Variants in DISP2 observed in about 807,000 individuals in gnomAD.
DISP2 encodes the protein dispatched RND transporter family member 2.
DISP2 carries 59 observed loss-of-function variants against 95.5 expected under a neutral mutation model. The observed-to-expected ratio is 0.62, with a 90% CI of 0.50 to 0.77. The LOEUF is 0.77. DISP2 is among the 30% of genes least tolerant of loss of function. The pLI, the probability that DISP2 is intolerant of heterozygous loss-of-function variation, is 0.00. For missense variants in DISP2, 1,752 were observed against 1,854.6 expected (o/e 0.94, Z 1.02); for synonymous variants, 827 against 815.0 (o/e 1.01, Z -0.25).
At position 40,358,401 on chromosome 15, in the gene DISP2, AG is replaced by A. The variant is rs1226099059; in HGVS notation, c.85del (p.Glu29SerfsTer136). The A allele has an allele frequency of 1.5e-6, 2 of 1,349,140 alleles. No individual in the cohort carries two copies. Among genetic ancestry groups the A allele is most frequent in the Non-Finnish European group, 1.9e-6 (2 of 1,054,546 alleles). 83.6% of individuals were successfully genotyped at this position (1,349,140 alleles called of 1,614,324 possible). ...GGTCCGGAAGGGGAGCAACGGCCCG[AG>A]GGGGAGCCCTTGGCCCCAGACGGCG... Reference protein sequence around the residue: ...GPGPEGEQRPEGEPLAPDGGS... With the variant: ...GPGPEGEQRPXGEPLAPDGGS... On this transcript the variant is annotated frameshift_variant, in exon 1 of 8. Transcript: ENST00000267889. LOFTEE classifies it high-confidence loss of function.
intron 1 of DISP2, among the ~76,000 whole-genome samples, chr15:40,358,861 A>G (rs1009850255): frequency 6.6e-6 from 1 of 152,244 alleles, no homozygotes; most frequent in Non-Finnish European, 1.5e-5. Flanking sequence ...GAGGCTCGCC[A>G]AGGCGGGTGT....
At position 40,363,635 on chromosome 15, in the gene DISP2, A is replaced by G; in HGVS notation, c.130A>G (p.Lys44Glu). 6.5e-7 allele frequency: 1 copy of G among 1,541,450 alleles called. No homozygotes were observed. The highest frequency in any genetic ancestry group is 8.7e-7 in the Non-Finnish European group (1 of 1,144,144). The change falls in exon 2 of 8, where the codon AAG becomes GAG. Residue 44 changes from lysine to glutamate, a missense_variant. Around this residue, in one of 5 missense-constraint regions of DISP2, gnomAD observed 342 missense variants for 364.3 expected, o/e 0.94. Coordinates refer to ENST00000267889, the MANE Select transcript of DISP2 (RefSeq NM_033510.3). ...CTCCTCTCTTCCTAGCACCCAGACC[A>G]AGGCTGTGCCCCCTGAGGCAAGCCC... Reference protein sequence around the residue: ...DGGSPDSTQTKAVPPEASPER... With the variant: ...DGGSPDSTQTEAVPPEASPER...
At position 40,373,261 on chromosome 15, in the gene DISP2, C is replaced by T. The variant is rs1310425730; in HGVS notation, c.*2943C>T. The T allele has an allele frequency of 6.6e-6, 1 of 152,210 alleles. No homozygotes were observed. Among genetic ancestry groups the T allele is most frequent in the Non-Finnish European group, 1.5e-5 (1 of 68,048 alleles). 9.4% of individuals were successfully genotyped at this position (152,210 alleles called of 1,614,324 possible). On this transcript the variant is annotated 3_prime_UTR_variant, in exon 8 of 8. Coordinates refer to ENST00000267889, the MANE Select transcript of DISP2 (RefSeq NM_033510.3). ...AATGAGTCAAAGCACTTATGCTTGC[C>T]CTGCAAAATTCAAGAAATGATTTCT...
intron 1 of DISP2, among the ~76,000 whole-genome samples, chr15:40,361,749 T>A (rs919739307): frequency 1.2e-4 from 18 of 152,268 alleles, no homozygotes; most frequent in African/African-American, 4.1e-4. Flanking sequence ...AATGCCCATC[T>A]GCCACTGAGG....
intron 1 of DISP2, among the ~76,000 whole-genome samples, chr15:40,362,508 G>A (rs977554129): frequency 6.6e-6 from 1 of 152,238 alleles, no homozygotes; most frequent in Non-Finnish European, 1.5e-5. Flanking sequence ...CAAGGCACTG[G>A]CGATATGGAG....
chr15:40,366,156 C>T (rs987887900), intron 7 of DISP2, among the ~76,000 whole-genome samples: 2 of 152,200 alleles, frequency 1.3e-5, no homozygotes, highest in African/African-American at 2.4e-5. Context: ...GTGAAAACCA[C>T]GCAGCAGCCC....
At position 40,370,547 on chromosome 15, in the gene DISP2, G is replaced by C. The variant is rs3803359; in HGVS notation, c.*229G>C. 1.3e-6 allele frequency: 1 copy of C among 792,944 alleles called. No homozygotes were observed. Among genetic ancestry groups the C allele is most frequent in the Non-Finnish European group, 2.1e-6 (1 of 473,074 alleles). The allele number at this position is 792,944 out of a possible 1,614,324, so 49.1% of individuals were successfully genotyped here. ...GGGGTTTTGGAGGGGACCTGCTTGCGACCTGCTGAGGGCTTGTCTGCTCCC... is the reference window on the plus strand; with the variant it reads ...GGGGTTTTGGAGGGGACCTGCTTGCCACCTGCTGAGGGCTTGTCTGCTCCC... On this transcript the variant is annotated 3_prime_UTR_variant, in exon 8 of 8. Transcript: ENST00000267889.
rs1367622069 is a variant in DISP2, at chr15:40,374,247, T to A, written c.*3929T>A. 6.8e-6 allele frequency: 1 copy of A among 147,002 alleles called. No individual in the cohort carries two copies. The highest frequency in any genetic ancestry group is 1.5e-5 in the Non-Finnish European group (1 of 66,842). The allele number at this position is 147,002 out of a possible 1,614,324, so 9.1% of individuals were successfully genotyped here. A position where few individuals can be genotyped will look rare whatever the true frequency, so the allele number is the denominator to read the frequency against. Reference sequence around the variant, plus strand: ...TTTTTTGAGACAGAGTCTTGCTCTGTCGCCCAGGCTGGAGTGCAGTGGCAC... The same window carrying A: ...TTTTTTGAGACAGAGTCTTGCTCTGACGCCCAGGCTGGAGTGCAGTGGCAC... On this transcript the variant is annotated 3_prime_UTR_variant, in exon 8 of 8. Transcript: ENST00000267889.
Position 40,367,167 on chromosome 15 carries a change from C to T in DISP2, c.1055C>T (p.Ser352Phe). ...NYLAVLSNRS[S>F]CLDTTQADAA... ...CTGGCTGTGCTCTCCAACCGCTCCTCCTGCCTGGACACTACCCAAGCTGAC... is the reference window on the plus strand; with the variant it reads ...CTGGCTGTGCTCTCCAACCGCTCCTTCTGCCTGGACACTACCCAAGCTGAC... Residue 352 changes from serine (S) to phenylalanine (F), a missense_variant, in exon 8 of 8, where the codon TCC becomes TTC. Physicochemically the swap from Ser to Phe is radical, Grantham distance 155. Transcript: ENST00000267889. 2 of 1,614,058 alleles carry T rather than the reference C, an allele frequency of 1.2e-6. No homozygotes were observed. Among genetic ancestry groups the T allele is most frequent in the Non-Finnish European group, 1.7e-6 (2 of 1,180,030 alleles).
Position 40,376,700 on chromosome 15 carries a change from G to A in DISP2, c.*6382G>A, listed in dbSNP as rs1322937948. ...TGCGCCTGTAGACCCAGCTACTCCA[G>A]AGGCTGAAGCAAGAGGATCACTTGA... On this transcript the variant is annotated 3_prime_UTR_variant, in exon 8 of 8. Transcript: ENST00000267889. The A allele has an allele frequency of 6.6e-6, 1 of 152,162 alleles. No homozygotes were observed. Among genetic ancestry groups the A allele is most frequent in the Non-Finnish European group, 1.5e-5 (1 of 68,046 alleles). 9.4% of individuals were successfully genotyped at this position (152,162 alleles called of 1,614,324 possible). A position where few individuals can be genotyped will look rare whatever the true frequency, so the allele number is the denominator to read the frequency against.
At chr15:40,364,070 G>A in intron 2 of DISP2, 116 bp downstream of exon 2, 6 of 1,468,126 alleles carry the variant, frequency 4.1e-6, no homozygotes, top group Non-Finnish European at 5.5e-6. Flanking sequence ...AGATGCAACA[G>A]GAAGTAAGGG....
At position 40,370,140 on chromosome 15, in the gene DISP2, C is replaced by T. The variant is rs1455503989; in HGVS notation, c.4028C>T (p.Ala1343Val). The T allele has an allele frequency of 3.7e-6, 6 of 1,608,306 alleles. No individual in the cohort carries two copies. The Admixed American group carries it at 5.0e-5, about 14-fold the overall frequency. ...LNGKRDTLWL[A>V]LRETVYDPSL... is the part of the protein sequence containing the mutation. Reference sequence around the variant, plus strand: ...GGGAAGCGGGACACCCTGTGGCTGGCGCTGAGGGAGACAGTGTATGACCCA... The same window carrying T: ...GGGAAGCGGGACACCCTGTGGCTGGTGCTGAGGGAGACAGTGTATGACCCA... Residue 1343 changes from alanine to valine, a missense_variant, in exon 8 of 8, where the codon GCG becomes GTG. By Grantham distance (64) the Ala-to-Val change is moderately conservative (BLOSUM62 0). Coordinates refer to ENST00000267889, the MANE Select transcript of DISP2 (RefSeq NM_033510.3).
At chr15:40,365,749 G>C in intron 7 of DISP2, 24 bp downstream of exon 7, 1 of 1,611,016 alleles carries the variant, frequency 6.2e-7, no homozygotes, top group Non-Finnish European at 8.5e-7. Flanking sequence ...GGAGGTGCCA[G>C]GGGTTTGGGG....
rs1021215796 is a variant in DISP2 at position 40,377,947 on chromosome 15, C to T, written c.*7629C>T. The T allele has an allele frequency of 1.3e-5, 2 of 152,210 alleles. No individual in the cohort carries two copies. The highest frequency in any genetic ancestry group is 2.9e-5 in the Non-Finnish European group (2 of 68,036). The allele number at this position is 152,210 out of a possible 1,614,324, so 9.4% of individuals were successfully genotyped here. ...TTCATTAGCCCTAGTTTAAACATTG[C>T]TGGAACCTACCTAACAAATCTCAAA... On this transcript the variant is annotated 3_prime_UTR_variant, in exon 8 of 8. Transcript: ENST00000267889.
chr15:40,364,162 C>T lies in DISP2; in HGVS notation c.450-64C>T. The T allele has an allele frequency of 1.8e-5, 29 of 1,609,398 alleles. No individual in the cohort carries two copies. In the South Asian group the frequency reaches 3.1e-4, roughly 17 times the overall value. On this transcript the variant is annotated intron_variant, in intron 2 of 7. Coordinates refer to ENST00000267889, the MANE Select transcript of DISP2 (RefSeq NM_033510.3). Reference sequence around the variant, plus strand: ...CCTACCCACTCCCACCCCACCTCCACCCCCAACACACGCCCTCTGCAAGAG... The same window carrying T: ...CCTACCCACTCCCACCCCACCTCCATCCCCAACACACGCCCTCTGCAAGAG...
chr15:40,363,351 A>AGT (rs1742614152), intron 1 of DISP2, among the ~76,000 whole-genome samples: 1 of 151,918 alleles, frequency 6.6e-6, no homozygotes, highest in South Asian at 2.1e-4. Flanking sequence ...AAGCACATTC[A>AGT]GTGTCTAGCA....
chr15:40,364,653 C>CA (rs767654662), intron 4 of DISP2, 109 bp downstream of exon 4: 1 of 1,518,674 alleles, frequency 6.6e-7, no homozygotes, highest in Non-Finnish European at 8.9e-7. Flanking sequence ...ATAGGGTAGC[C>CA]ATGGTAGGCT....
rs1360024049 is a variant in DISP2, at chr15:40,373,040, A to C, written c.*2722A>C. The C allele has an allele frequency of 6.6e-6, 1 of 152,194 alleles. No individual in the cohort carries two copies. Among genetic ancestry groups the C allele is most frequent in the Non-Finnish European group, 1.5e-5 (1 of 68,038 alleles). The allele number at this position is 152,194 out of a possible 1,614,324, so 9.4% of individuals were successfully genotyped here. On this transcript the variant is annotated 3_prime_UTR_variant, in exon 8 of 8. Transcript: ENST00000267889. Reference sequence around the variant, plus strand: ...ATTACCTTATACCTAGAATGGCCCAAACCAACAGCAGGCAATCCACATCAG... The same window carrying C: ...ATTACCTTATACCTAGAATGGCCCACACCAACAGCAGGCAATCCACATCAG...
rs1237752999 is a variant in DISP2, at chr15:40,375,541, A to G, written c.*5223A>G. 3.3e-5 allele frequency: 5 copies of G among 152,068 alleles called. No homozygotes were observed. Among genetic ancestry groups the G allele is most frequent in the African/African-American group, 1.2e-4 (5 of 41,384 alleles). 9.4% of individuals were successfully genotyped at this position (152,068 alleles called of 1,614,324 possible). Reference sequence around the variant, plus strand: ...CCCCCACCCCTCAGTGGACAAAAAAAAAAAAAAAATTCTTCATGAAGAAAA... The same window carrying G: ...CCCCCACCCCTCAGTGGACAAAAAAGAAAAAAAAATTCTTCATGAAGAAAA... On this transcript the variant is annotated 3_prime_UTR_variant, in exon 8 of 8. Transcript: ENST00000267889.
Sources: allele counts gnomAD v4.1 joint callset (sites outside exome capture counted in the v4.1 genomes callset), GRCh38; gene constraint gnomAD v4.1.1; regional missense constraint gnomAD v4.1.1; transcripts MANE v1.5; gene names NCBI Gene and HGNC (gene_info 2026-07-23, HGNC 2026-07-21).